Variants in RBM24 observed in about 807,000 individuals in gnomAD.
RBM24 encodes the protein RNA binding motif protein 24, also known as RNA-binding protein 24.
Under a neutral mutation model 23.6 loss-of-function variants are expected in RBM24, and 5 were observed. That is an observed-to-expected ratio of 0.21 (90% CI 0.11 to 0.45). RBM24 has a LOEUF of 0.45. RBM24 is among the 20% of genes least tolerant of loss of function. The pLI, the probability that RBM24 is intolerant of heterozygous loss-of-function variation, is 0.99. For synonymous variants in RBM24, 151 were observed against 129.5 expected, an observed-to-expected ratio of 1.17 and a Z score of -1.13; for missense variants, 252 against 314.6, an observed-to-expected ratio of 0.80 and a Z score of 1.51.
At position 17,292,358 on chromosome 6, in the gene RBM24, G is replaced by A. The variant is rs1760395972; in HGVS notation, c.*239G>A. The A allele has an allele frequency of 9.4e-6, 3 of 319,288 alleles. No homozygotes were observed. The South Asian group carries it at 4.4e-4, about 47-fold the overall frequency. The allele number at this position is 319,288 out of a possible 1,614,324, so 19.8% of individuals were successfully genotyped here. A position where few individuals can be genotyped will look rare whatever the true frequency, so the allele number is the denominator to read the frequency against. On this transcript the variant is annotated 3_prime_UTR_variant, in exon 4 of 4. Transcript: ENST00000379052. ...TCAATCCCAAAGAGCCTGAGTAAAT[G>A]AAAGGCCACTACGAAATGACGCCAG...
chr6:17,281,439 C>A lies in RBM24; in HGVS notation c.-143C>A. The A allele has an allele frequency of 2.1e-6, 1 of 482,332 alleles. No individual in the cohort carries two copies. Among genetic ancestry groups the A allele is most frequent in the Non-Finnish European group, 2.7e-6 (1 of 369,214 alleles). 29.9% of individuals were successfully genotyped at this position (482,332 alleles called of 1,614,324 possible). A position where few individuals can be genotyped will look rare whatever the true frequency, so the allele number is the denominator to read the frequency against. On this transcript the variant is annotated 5_prime_UTR_variant, in exon 1 of 4. Transcript: ENST00000379052. This position sits in a 1 kb window ranked among gnomAD's most constrained non-coding sequence, Gnocchi z 7.1. ...CGCCCCCGGCCGCTCGCCCCCGCCG[C>A]GCCGCCGCCCTCGCCCCCGGGCTCG...
chr6:17,283,060 T>A, intron 2 of RBM24, 132 bp downstream of exon 2: 1 of 654,706 alleles, frequency 1.5e-6, no homozygotes, highest in Non-Finnish European at 2.7e-6. Context: ...GGCTTGTTAT[T>A]CTACCAAGGC....
intron 3 of RBM24, chr6:17,289,789 C>A: frequency 9.4e-7 from 1 of 1,059,686 alleles, no homozygotes. Flanking sequence ...AATAGCCCGG[C>A]TGCAGCCCCT....
rs1305551335 is a variant in RBM24, at chr6:17,281,850, C to A, written c.168+101C>A. On this transcript the variant is annotated intron_variant, in intron 1 of 3. Transcript: ENST00000379052. The surrounding 1 kb of genome is among the most constrained non-coding windows in gnomAD (Gnocchi z 7.1). ...GGGGCTCGGCGTGACCCGTGAGGAG[C>A]CCCGCGGGTAGAGCGGCGCTGCCCC... 4.1e-6 allele frequency: 6 copies of A among 1,446,878 alleles called. No homozygotes were observed. Among genetic ancestry groups the A allele is most frequent in the Non-Finnish European group, 5.6e-6 (6 of 1,066,630 alleles). The allele number at this position is 1,446,878 out of a possible 1,614,324, so 89.6% of individuals were successfully genotyped here.
chr6:17,283,011 T>C, intron 2 of RBM24, 83 bp downstream of exon 2: 1 of 939,224 alleles, frequency 1.1e-6, no homozygotes, highest in South Asian at 1.5e-5. Context: ...TAGAAGACAT[T>C]GTCTCTTTCT....
intron 1 of RBM24, chr6:17,282,473 G>A: frequency 2.1e-6 from 1 of 477,354 alleles, no homozygotes; most frequent in Non-Finnish European, 4.0e-6. Context: ...GGGATTCGGG[G>A]GAAGGAGGAT....
chr6:17,286,416 T>C (rs747133594), intron 3 of RBM24, among the ~76,000 whole-genome samples: 1 of 151,576 alleles, frequency 6.6e-6, no homozygotes, highest in Non-Finnish European at 1.5e-5. Context: ...TGATGTGAGC[T>C]TAGTGGTGGG....
chr6:17,289,899 G>C lies in RBM24; in HGVS notation c.348-1857G>C, dbSNP rs1040097230. On this transcript the variant is annotated intron_variant, in intron 3 of 3. Transcript: ENST00000379052. ...GCCTCCAGGGACAGTGTTTCATAAA[G>C]CCACACCTGTTGTTGCGAGTGAGCC... 3.6e-5 allele frequency: 46 copies of C among 1,262,162 alleles called. No individual in the cohort carries two copies. The African/African-American group carries it at 6.7e-4, about 18-fold the overall frequency. The allele number at this position is 1,262,162 out of a possible 1,614,324, so 78.2% of individuals were successfully genotyped here.
chr6:17,282,237 A>G (rs1760044184), intron 1 of RBM24: 3 of 1,290,684 alleles, frequency 2.3e-6, no homozygotes, highest in Non-Finnish European at 3.0e-6. Flanking sequence ...CTTTTAAATC[A>G]TGATCCTAGG....
intron 3 of RBM24, chr6:17,285,020 C>T (rs960209773): frequency 1.4e-5 from 3 of 217,586 alleles, no homozygotes; most frequent in African/African-American, 6.8e-5. Flanking sequence ...TTCGACTTGA[C>T]TCAATTTTAT....
chr6:17,292,452 C>T lies in RBM24; in HGVS notation c.*333C>T, dbSNP rs1760399452. 5.8e-6 allele frequency: 1 copy of T among 173,452 alleles called. No individual in the cohort carries two copies. Among genetic ancestry groups the T allele is most frequent in the African/African-American group, 2.4e-5 (1 of 42,362 alleles). The allele number at this position is 173,452 out of a possible 1,614,324, so 10.7% of individuals were successfully genotyped here. Reference sequence around the variant, plus strand: ...TGCTCTTTTTATAGTATCAGGGAAGCAAACTGCCTTTTACAAGTTAGAAAA... The same window carrying T: ...TGCTCTTTTTATAGTATCAGGGAAGTAAACTGCCTTTTACAAGTTAGAAAA... On this transcript the variant is annotated 3_prime_UTR_variant, in exon 4 of 4. Coordinates refer to ENST00000379052, the MANE Select transcript of RBM24 (RefSeq NM_001143942.2).
In RBM24 at chr6:17,281,686, C is replaced by G. The variant is rs1048464804; in HGVS notation, c.105C>G (p.Gly35=). 1.9e-6 allele frequency: 3 copies of G among 1,551,702 alleles called. No homozygotes were observed. The Admixed American group carries it at 5.9e-5, about 30-fold the overall frequency. The stretch of plus-strand genomic sequence containing the variant: ...TGCGCAAGTACTTCGAGGTCTTCGG[C>G]GAGATCGAGGAGGCGGTGGTCATCA... ...ASLRKYFEVF[G]EIEEAVVITD... Residue 35 remains glycine, a synonymous_variant, in exon 1 of 4, where the codon GGC becomes GGG. Transcript: ENST00000379052. This position sits in a 1 kb window ranked among gnomAD's most constrained non-coding sequence, Gnocchi z 7.1.
At chr6:17,289,836 G>A (rs746870022) in intron 3 of RBM24, 273 of 1,108,180 alleles carry the variant, frequency 2.5e-4, no homozygotes, top group Non-Finnish European at 2.9e-4. Context: ...CATAAGAGTA[G>A]GCTCTCTTAG....
chr6:17,287,187 G>A (rs914047622), intron 3 of RBM24, among the ~76,000 whole-genome samples: 5 of 152,080 alleles, frequency 3.3e-5, no homozygotes, highest in African/African-American at 1.2e-4. Flanking sequence ...AATCACACCT[G>A]GTCATCCTAA....
intron 1 of RBM24, chr6:17,282,066 A>T (rs768718056): frequency 5.6e-5 from 70 of 1,260,464 alleles, no homozygotes; most frequent in Non-Finnish European, 6.6e-5. Context: ...AACCCTGAAC[A>T]ATTGCATTCC....
chr6:17,281,921 G>A lies in RBM24; in HGVS notation c.168+172G>A. On this transcript the variant is annotated intron_variant, in intron 1 of 3. Transcript: ENST00000379052. This position sits in a 1 kb window ranked among gnomAD's most constrained non-coding sequence, Gnocchi z 7.1. ...AACTTTGCTAGGGGAGAGGGTCGGC[G>A]CCAGCCTCGCGGGGTTCGGAGAAGA... 1.5e-6 allele frequency: 2 copies of A among 1,327,606 alleles called. No homozygotes were observed. Among genetic ancestry groups the A allele is most frequent in the Non-Finnish European group, 2.0e-6 (2 of 990,578 alleles). The allele number at this position is 1,327,606 out of a possible 1,614,324, so 82.2% of individuals were successfully genotyped here.
Position 17,292,229 on chromosome 6 carries a change from C to T in RBM24, c.*110C>T. 1.1e-6 allele frequency: 1 copy of T among 945,978 alleles called. No individual in the cohort carries two copies. The highest frequency in any genetic ancestry group is 2.6e-5 in the East Asian group (1 of 38,406). 58.6% of individuals were successfully genotyped at this position (945,978 alleles called of 1,614,324 possible). A position where few individuals can be genotyped will look rare whatever the true frequency, so the allele number is the denominator to read the frequency against. On this transcript the variant is annotated 3_prime_UTR_variant, in exon 4 of 4. Coordinates refer to ENST00000379052, the MANE Select transcript of RBM24 (RefSeq NM_001143942.2). ...GACTTAACAGCTTTAAAAAAAAAAA[C>T]AGCCATGCTATTGTGAAGCAGAGTT...
At chr6:17,282,276 T>C (rs897562974) in intron 1 of RBM24, 13 of 1,279,314 alleles carry the variant, frequency 1.0e-5, no homozygotes, top group African/African-American at 3.0e-5. Context: ...ACAGAGCATA[T>C]TAAGCTTCCT....
chr6:17,281,566 C>T lies in RBM24; in HGVS notation c.-16C>T. The T allele has an allele frequency of 6.7e-7, 1 of 1,487,468 alleles. No homozygotes were observed. Among genetic ancestry groups the T allele is most frequent in the Non-Finnish European group, 8.9e-7 (1 of 1,118,966 alleles). The allele number at this position is 1,487,468 out of a possible 1,614,324, so 92.1% of individuals were successfully genotyped here. A position where few individuals can be genotyped will look rare whatever the true frequency, so the allele number is the denominator to read the frequency against. On this transcript the variant is annotated 5_prime_UTR_variant, in exon 1 of 4. Transcript: ENST00000379052. The surrounding 1 kb of genome is among the most constrained non-coding windows in gnomAD (Gnocchi z 7.1). ...GCAGCCGCAGCCGGAGCCCGAGCCG[C>T]GGGGCGGGTGCGAAGATGCACACGA...
Sources: gnomAD v4.1 joint callset for allele counts (sites outside exome capture counted in the v4.1 genomes callset) on GRCh38, gnomAD v4.1.1 for gene constraint, Gnocchi (gnomAD v3.1) non-coding constraint, MANE v1.5 for transcripts, NCBI Gene and HGNC (gene_info 2026-07-23, HGNC 2026-07-21) for gene names.